RPP30: variants seen among roughly 807,000 people sequenced by gnomAD.
RPP30 encodes the protein ribonuclease P/MRP subunit p30, also known as ribonuclease P protein subunit p30.
A neutral mutation model predicts 38.6 loss-of-function variants in RPP30; 36 were observed. The observed-to-expected ratio is 0.93, with a 90% CI of 0.71 to 1.23. The LOEUF (loss-of-function observed/expected upper bound fraction) is 1.23. RPP30 is among the 50% of genes most tolerant of loss of function. The probability of loss-of-function intolerance (pLI) is 0.00; values close to 1 mark genes in which losing one functional copy is unlikely to be tolerated. For missense variants in RPP30, 321 were observed against 321.7 expected (o/e 1.00, Z 0.02); for synonymous variants, 126 against 112.7 (o/e 1.12, Z -0.75).
At chr10:90,895,979 C>A in intron 9 of RPP30, 62 bp downstream of exon 9, 1 of 1,267,816 alleles carries the variant, frequency 7.9e-7, no homozygotes, top group Non-Finnish European at 1.1e-6. Flanking sequence ...AATTTGAAGT[C>A]GTATTATAGT....
At chr10:90,894,997 A>T in intron 7 of RPP30, 106 bp downstream of exon 7, 1 of 840,236 alleles carries the variant, frequency 1.2e-6, no homozygotes. Flanking sequence ...GAATGTTCTC[A>T]TAGCATAGGA....
chr10:90,903,263 C>G (rs202243531), downstream of RPP30: 1 of 1,606,284 alleles, frequency 6.2e-7, no homozygotes, highest in African/African-American at 1.3e-5. Flanking sequence ...CAGGCTTTGA[C>G]CCTTCTTTAA....
At position 90,876,770 on chromosome 10, in the gene RPP30, G is replaced by T. The variant is rs531704152; in HGVS notation, c.270+672G>T. ...CAAGAGCAGTTGGAAGCCCTTGAAG[G>T]TTTTAACTAAGGGAGTGAAATGAGG... On this transcript the variant is annotated intron_variant, in intron 4 of 10. Transcript: ENST00000371703. 2.2e-3 allele frequency among the ~76,000 whole-genome samples: 337 copies of T among 152,300 alleles called. 2 individuals carry two copies. Among genetic ancestry groups the T allele is most frequent in the African/African-American group, 7.7e-3 (322 of 41,556 alleles).
At chr10:90,875,668 A>G (rs1846842050) in intron 3 of RPP30, 54 bp downstream of exon 3, 2 of 1,453,654 alleles carry the variant, frequency 1.4e-6, no homozygotes, top group South Asian at 1.1e-5. Flanking sequence ...GTTAAAAGGT[A>G]CCTAATTATT....
intron 6 of RPP30, among the ~76,000 whole-genome samples, chr10:90,893,105 G>A (rs946456536): frequency 8.5e-5 from 13 of 152,156 alleles, no homozygotes; most frequent in Non-Finnish European, 1.2e-4. Context: ...TTGCAGTGTG[G>A]AAAATAGCAT....
At chr10:90,888,498 A>G (rs1272962061) in intron 6 of RPP30, among the ~76,000 whole-genome samples, 1 of 152,242 alleles carries the variant, frequency 6.6e-6, no homozygotes, top group East Asian at 1.9e-4. Flanking sequence ...TATCTTGCGT[A>G]TAATGAGTCC....
intron 6 of RPP30, 31 bp downstream of exon 6, chr10:90,885,932 C>G (rs1179723394): frequency 1.5e-6 from 2 of 1,338,248 alleles, no homozygotes; most frequent in Non-Finnish European, 2.1e-6. Context: ...GTATTTGAAT[C>G]TTAGAAACTT....
At chr10:90,880,234 AT>A (rs1271705544) in intron 5 of RPP30, 5 of 151,408 alleles carry the variant, frequency 3.3e-5, no homozygotes, top group Non-Finnish European at 5.9e-5. Context: ...AGCAAAATTC[AT>A]TCTAAAATTG....
intron 6 of RPP30, among the ~76,000 whole-genome samples, chr10:90,890,154 G>C (rs1419030316): frequency 6.6e-6 from 1 of 152,144 alleles, no homozygotes; most frequent in Non-Finnish European, 1.5e-5. Flanking sequence ...CTCAAGCTTT[G>C]ATTCCAAATC....
At chr10:90,903,784 T>TACACAAA (rs1229121901), downstream of RPP30, among the ~76,000 whole-genome samples, 7 of 152,220 alleles carry the variant, frequency 4.6e-5, no homozygotes, top group Admixed American at 3.9e-4. Context: ...TTTTGATTAA[T>TACACAAA]AACCTGTTAA....
chr10:90,884,761 G>T (rs1352596360), intron 5 of RPP30, among the ~76,000 whole-genome samples: 2 of 152,168 alleles, frequency 1.3e-5, no homozygotes, highest in Admixed American at 1.3e-4. Context: ...GCCGAAGGTT[G>T]GCACCAATCC....
At chr10:90,884,889 A>G (rs1355759349) in intron 5 of RPP30, among the ~76,000 whole-genome samples, 2 of 152,226 alleles carry the variant, frequency 1.3e-5, no homozygotes, top group South Asian at 2.1e-4. Context: ...GCCTGTACAC[A>G]CTAGCATTGT....
chr10:90,874,576 G>T (rs1359384512), intron 1 of RPP30, among the ~76,000 whole-genome samples: 1 of 152,180 alleles, frequency 6.6e-6, no homozygotes, highest in African/African-American at 2.4e-5. Context: ...TGTGTGCCAG[G>T]CACTGTTCTC....
chr10:90,875,711 C>T, intron 3 of RPP30, 97 bp downstream of exon 3: 1 of 1,017,204 alleles, frequency 9.8e-7, no homozygotes, highest in Non-Finnish European at 1.6e-6. Context: ...GCACCTTACT[C>T]TGAGTACCAG....
At chr10:90,895,243 T>C in intron 7 of RPP30, 4 of 490,802 alleles carry the variant, frequency 8.1e-6, no homozygotes. Flanking sequence ...CTAAGATCTG[T>C]TAGGAAAACA....
intron 5 of RPP30, among the ~76,000 whole-genome samples, chr10:90,883,283 T>C (rs1193161216): frequency 8.0e-6 from 1 of 124,742 alleles, no homozygotes; most frequent in African/African-American, 2.8e-5. Context: ...CATAGGAGTC[T>C]CTGGCCAAAA....
In RPP30 at chr10:90,900,752, C is replaced by G; in HGVS notation, c.*73C>G. The G allele has an allele frequency of 6.6e-7, 1 of 1,520,886 alleles. No homozygotes were observed. Among genetic ancestry groups the G allele is most frequent in the South Asian group, 1.4e-5 (1 of 72,294 alleles). The allele number at this position is 1,520,886 out of a possible 1,614,324, so 94.2% of individuals were successfully genotyped here. A position where few individuals can be genotyped will look rare whatever the true frequency, so the allele number is the denominator to read the frequency against. On this transcript the variant is annotated 3_prime_UTR_variant, in exon 11 of 11. Transcript: ENST00000371703. ...TTCATCAGCCACAACAAAAATAAAA[C>G]CTTTGTGTGATTTACTGTTTTCATT...
At chr10:90,904,236 T>A (rs1847230506), downstream of RPP30, among the ~76,000 whole-genome samples, 1 of 152,154 alleles carries the variant, frequency 6.6e-6, no homozygotes, top group Admixed American at 6.5e-5. Context: ...ACTTTAGATA[T>A]AAGAAGAAAT....
At chr10:90,897,066 T>G (rs1847148123) in intron 10 of RPP30, among the ~76,000 whole-genome samples, 2 of 152,180 alleles carry the variant, frequency 1.3e-5, no homozygotes, top group African/African-American at 4.8e-5. Context: ...GACTGTACAT[T>G]TTTTACTCAC....
Sources: allele counts gnomAD v4.1 joint callset (sites outside exome capture counted in the v4.1 genomes callset), GRCh38; gene constraint gnomAD v4.1.1; transcripts MANE v1.5; gene names NCBI Gene and HGNC (gene_info 2026-07-23, HGNC 2026-07-21).